SMAD9: variants seen among roughly 807,000 people sequenced by gnomAD.
The protein encoded by SMAD9 is SMAD family member 9.
A neutral mutation model predicts 46.1 loss-of-function variants in SMAD9; 36 were observed. The ratio of observed to expected loss-of-function variants is 0.78; its 90% CI spans 0.60 to 1.03. The LOEUF is 1.03. Among genes scored for constraint, SMAD9 ranks in the 50% least tolerant of loss-of-function variants. The pLI is 0.00. For synonymous variants in SMAD9, 245 were observed against 237.1 expected (o/e 1.03, Z -0.31); for missense variants, 572 against 599.8 (o/e 0.95, Z 0.48).
chr13:36,864,822 T>C (rs748195746), intron 5 of SMAD9, among the ~76,000 whole-genome samples: 43 of 152,290 alleles, frequency 2.8e-4, no homozygotes, highest in Non-Finnish European at 5.1e-4. Context: ...AAGTGCTGGA[T>C]GGAGAGAGAA....
intron 4 of SMAD9, among the ~76,000 whole-genome samples, chr13:36,865,999 C>T (rs2058230586): frequency 6.6e-6 from 1 of 152,064 alleles, no homozygotes; most frequent in Admixed American, 6.6e-5. Context: ...ATGGCTAGAG[C>T]ATTTATAAAT....
intron 2 of SMAD9, among the ~76,000 whole-genome samples, chr13:36,874,962 T>C (rs1292198694): frequency 1.3e-5 from 2 of 150,968 alleles, no homozygotes; most frequent in Non-Finnish European, 3.0e-5. Flanking sequence ...AATGACATTA[T>C]CTAAAAGGTG....
chr13:36,913,180 G>A (rs2058674369), intron 1 of SMAD9, among the ~76,000 whole-genome samples: 1 of 152,180 alleles, frequency 6.6e-6, no homozygotes, highest in Admixed American at 6.5e-5. Context: ...AGGGCCAGCT[G>A]AATAGAGAAA....
chr13:36,895,524 T>C (rs1593608987), intron 1 of SMAD9, among the ~76,000 whole-genome samples: 1 of 152,202 alleles, frequency 6.6e-6, no homozygotes. Context: ...TCTCCAGACA[T>C]TGTCAAATAT....
chr13:36,879,938 T>TTTTTTTAA, intron 1 of SMAD9, 63 bp from the exon 2 acceptor site: 1 of 540,506 alleles, frequency 1.9e-6, no homozygotes, highest in Non-Finnish European at 3.3e-6. Context: ...AAGTTGAAGT[T>TTTTTTTAA]GGATAGAAAG....
rs114004320 is a variant in SMAD9 at position 36,911,670 on chromosome 13, C to T, written c.-187+8446G>A. On this transcript the variant is annotated intron_variant, in intron 1 of 6. Coordinates refer to ENST00000379826, the MANE Select transcript of SMAD9 (RefSeq NM_001127217.3). ...AACTGATAAAGAATCACAAATAAGC[C>T]GTGTTATGAACTGCTGTTCGGGGAA... Among the ~76,000 whole-genome samples the T allele has an allele frequency of 5.0e-3, 756 of 150,170 alleles. 8 individuals carry two copies. The highest frequency in any genetic ancestry group is 0.018 in the African/African-American group (725 of 41,046).
At chr13:36,913,649 C>G (rs112773945) in intron 1 of SMAD9, among the ~76,000 whole-genome samples, 4 of 152,308 alleles carry the variant, frequency 2.6e-5, no homozygotes, top group Admixed American at 6.5e-5. Flanking sequence ...ACAGCCAACA[C>G]CTAATGACTG....
intron 5 of SMAD9, among the ~76,000 whole-genome samples, chr13:36,859,115 T>C (rs2058154613): frequency 6.6e-6 from 1 of 152,264 alleles, no homozygotes; most frequent in South Asian, 2.1e-4. Flanking sequence ...ATATTAAGTA[T>C]TCTGCAACAT....
rs1054751131 is a variant in SMAD9 at position 36,920,175 on chromosome 13, AGCGGCTGCAGCAGCGGCGGCGGCG to A, written c.-270_-247del. ...CGGCGGCGGCGGCGGGGACCGAGACAGCGGCTGCAGCAGCGGCGGCGGCGGCGGCGGCGGCGGCGGCCCCAGCCG... is the reference window on the plus strand; with the variant it reads ...CGGCGGCGGCGGCGGGGACCGAGACAGCGGCGGCGGCGGCGGCCCCAGCCG... On this transcript the variant is annotated 5_prime_UTR_variant, in exon 1 of 7. Coordinates refer to ENST00000379826, the MANE Select transcript of SMAD9 (RefSeq NM_001127217.3). The A allele has an allele frequency of 2.5e-5, 3 of 119,656 alleles. No homozygotes were observed. Among genetic ancestry groups the A allele is most frequent in the Non-Finnish European group, 5.1e-5 (3 of 59,140 alleles). The allele number at this position is 119,656 out of a possible 1,614,324, so 7.4% of individuals were successfully genotyped here. A position where few individuals can be genotyped will look rare whatever the true frequency, so the allele number is the denominator to read the frequency against.
At chr13:36,901,219 ATTTTAC>A (rs933566299) in intron 1 of SMAD9, among the ~76,000 whole-genome samples, 10 of 152,116 alleles carry the variant, frequency 6.6e-5, no homozygotes, top group African/African-American at 2.4e-4. Context: ...TCATACAGTA[ATTTTAC>A]TTTTAACTTT....
rs1330228360 is a variant in SMAD9, at chr13:36,891,851, T to C, written c.-186-11976A>G. ...CTCCTTCCATCTGGCATCTGTTAAA[T>C]GCTACAGTCCCACCACACAAACAAG... On this transcript the variant is annotated intron_variant, in intron 1 of 6. Transcript: ENST00000379826. 2.0e-5 allele frequency among the ~76,000 whole-genome samples: 3 copies of C among 152,232 alleles called. No individual in the cohort carries two copies. In the East Asian group the frequency reaches 5.8e-4, roughly 29 times the overall value.
At chr13:36,869,683 G>C (rs2058270930) in intron 3 of SMAD9, among the ~76,000 whole-genome samples, 3 of 152,194 alleles carry the variant, frequency 2.0e-5, no homozygotes, top group African/African-American at 2.4e-5. Flanking sequence ...AAAAAAATTA[G>C]CCGGGTGTGG....
At chr13:36,910,943 A>C (rs1412954334) in intron 1 of SMAD9, among the ~76,000 whole-genome samples, 1 of 152,200 alleles carries the variant, frequency 6.6e-6, no homozygotes, top group East Asian at 1.9e-4. Context: ...GGCCATCAAT[A>C]AATGTTGAAT....
At chr13:36,894,094 G>C (rs770200100) in intron 1 of SMAD9, among the ~76,000 whole-genome samples, 7 of 152,156 alleles carry the variant, frequency 4.6e-5, no homozygotes, top group Non-Finnish European at 8.8e-5. Flanking sequence ...TCCATAACTA[G>C]AATAGCATTA....
intron 1 of SMAD9, among the ~76,000 whole-genome samples, chr13:36,912,345 A>T (rs944394164): frequency 3.3e-5 from 5 of 152,166 alleles, no homozygotes; most frequent in African/African-American, 1.2e-4. Context: ...TGAAAGGTGG[A>T]GTGGTTCAAG....
chr13:36,887,762 T>G (rs948866213), intron 1 of SMAD9, among the ~76,000 whole-genome samples: 1 of 152,096 alleles, frequency 6.6e-6, no homozygotes, highest in Non-Finnish European at 1.5e-5. Context: ...TGGCAAAAGA[T>G]AGAAGTGGGA....
intron 4 of SMAD9, 48 bp downstream of exon 4, chr13:36,867,224 GA>G (rs2058243516): frequency 8.2e-7 from 1 of 1,225,202 alleles, no homozygotes; most frequent in Non-Finnish European, 1.2e-6. Context: ...GGGGTAATAG[GA>G]AATACTTTTG....
intron 1 of SMAD9, among the ~76,000 whole-genome samples, chr13:36,908,050 C>G (rs2058632517): frequency 6.6e-6 from 1 of 152,216 alleles, no homozygotes; most frequent in African/African-American, 2.4e-5. Context: ...CAGATCCTTT[C>G]TTCTACTTAG....
intron 3 of SMAD9, among the ~76,000 whole-genome samples, chr13:36,868,207 A>T (rs1280357247): frequency 2.0e-5 from 3 of 152,234 alleles, no homozygotes; most frequent in Non-Finnish European, 4.4e-5. Context: ...AAAAATGCAG[A>T]TTCCTGGCCC....
Sources: gnomAD v4.1 joint callset for allele counts (sites outside exome capture counted in the v4.1 genomes callset) on GRCh38, gnomAD v4.1.1 for gene constraint, MANE v1.5 for transcripts, NCBI Gene and HGNC (gene_info 2026-07-23, HGNC 2026-07-21) for gene names.